Variants in SELENOF observed in about 807,000 individuals in gnomAD.
SELENOF encodes selenoprotein F.
SELENOF carries 16 observed loss-of-function variants against 20.5 expected under a neutral mutation model. The observed-to-expected ratio is 0.78, with a 90% CI of 0.53 to 1.19. The LOEUF is 1.19. SELENOF is among the 50% of genes most tolerant of loss of function. The pLI is 0.00. For synonymous variants in SELENOF, 78 were observed against 74.5 expected (o/e 1.05, Z -0.24); for missense variants, 215 against 194.2 (o/e 1.11, Z -0.64).
chr1:86,894,986 C>T (rs12120139), intron 2 of SELENOF, among the ~76,000 whole-genome samples: 5,579 of 152,216 alleles, frequency 0.037, 113 homozygotes, highest in Middle Eastern at 0.061. Flanking sequence ...GTGATCAAAA[C>T]GGCACACATT....
chr1:86,894,702 T>C (rs972423861), intron 2 of SELENOF, among the ~76,000 whole-genome samples: 1 of 152,240 alleles, frequency 6.6e-6, no homozygotes, highest in Admixed American at 6.5e-5. Flanking sequence ...CTGGGGGTGA[T>C]GACGCATGTC....
chr1:86,866,654 G>C (rs1250083206), intron 4 of SELENOF, among the ~76,000 whole-genome samples: 1 of 152,020 alleles, frequency 6.6e-6, no homozygotes, highest in Admixed American at 6.6e-5. Context: ...CAAAAGATCT[G>C]AACAGACATC....
chr1:86,884,342 T>TACATAC (rs1659156502), intron 2 of SELENOF, among the ~76,000 whole-genome samples: 1 of 128,590 alleles, frequency 7.8e-6, no homozygotes, highest in South Asian at 2.3e-4. Flanking sequence ...CGGGCGCACA[T>TACATAC]ACATACACAC....
chr1:86,912,970 A>C (rs1268516871), intron 1 of SELENOF, among the ~76,000 whole-genome samples: 1 of 152,192 alleles, frequency 6.6e-6, no homozygotes, highest in Non-Finnish European at 1.5e-5. Flanking sequence ...AAAAACCCTT[A>C]AACAGTAGAA....
At chr1:86,911,091 T>G (rs1659968058) in intron 1 of SELENOF, among the ~76,000 whole-genome samples, 1 of 152,166 alleles carries the variant, frequency 6.6e-6, no homozygotes, top group Non-Finnish European at 1.5e-5. Context: ...GGTAGGAGAA[T>G]GCCAAAGAAC....
intron 2 of SELENOF, among the ~76,000 whole-genome samples, chr1:86,902,088 G>C (rs1032171845): frequency 1.3e-5 from 2 of 152,108 alleles, no homozygotes; most frequent in African/African-American, 4.8e-5. Flanking sequence ...TCAGCAAAAA[G>C]AACAGAGGGG....
In SELENOF at chr1:86,910,721, A is replaced by T. The variant is rs958721438; in HGVS notation, c.84+3307T>A. Reference sequence around the variant, plus strand: ...CCATATCAAAAAAAAAAAAAAAAAAAGGTTTCAGTCTAACATGTACTTACC... The same window carrying T: ...CCATATCAAAAAAAAAAAAAAAAAATGGTTTCAGTCTAACATGTACTTACC... On this transcript the variant is annotated intron_variant, in intron 1 of 4. Transcript: ENST00000331835. Among the ~76,000 whole-genome samples, 387 of 144,048 alleles carry T rather than the reference A, an allele frequency of 2.7e-3. 1 individual carries two copies. The highest frequency in any genetic ancestry group is 4.3e-3 in the Non-Finnish European group (284 of 65,754). 94.5% of individuals were successfully genotyped at this position (144,048 alleles called of 152,430 possible). A position where few individuals can be genotyped will look rare whatever the true frequency, so the allele number is the denominator to read the frequency against.
intron 1 of SELENOF, among the ~76,000 whole-genome samples, chr1:86,907,209 C>A (rs1659852207): frequency 6.6e-6 from 1 of 152,188 alleles, no homozygotes; most frequent in African/African-American, 2.4e-5. Context: ...GCACAGAAAG[C>A]ATCTAGCATC....
intron 4 of SELENOF, among the ~76,000 whole-genome samples, chr1:86,863,830 CAT>C (rs1171771851): frequency 2.7e-5 from 4 of 149,062 alleles, no homozygotes; most frequent in Non-Finnish European, 4.5e-5. Context: ...TTCATTCATT[CAT>C]GAGAAAGGGT....
At chr1:86,872,555 A>G (rs1033121644) in intron 3 of SELENOF, among the ~76,000 whole-genome samples, 3 of 109,044 alleles carry the variant, frequency 2.8e-5, no homozygotes, top group Admixed American at 9.0e-5. Flanking sequence ...TTTTTTTTGT[A>G]TTTTTAGTAA....
chr1:86,884,388 C>CAT (rs965524859), intron 2 of SELENOF, among the ~76,000 whole-genome samples: 4 of 151,632 alleles, frequency 2.6e-5, no homozygotes, highest in Admixed American at 1.3e-4. Context: ...TATACACACA[C>CAT]ATATATATAC....
At chr1:86,905,396 C>T (rs1659802831) in intron 1 of SELENOF, among the ~76,000 whole-genome samples, 1 of 152,166 alleles carries the variant, frequency 6.6e-6, no homozygotes, top group Non-Finnish European at 1.5e-5. Context: ...TCTGTTTCCA[C>T]TTCTTCACCT....
At chr1:86,893,517 C>G (rs1040723518) in intron 2 of SELENOF, among the ~76,000 whole-genome samples, 1 of 150,538 alleles carries the variant, frequency 6.6e-6, no homozygotes, top group African/African-American at 2.5e-5. Flanking sequence ...ACTCAGGAGG[C>G]TGAGGCTGGG....
chr1:86,903,209 A>C (rs1659745706), intron 2 of SELENOF, 72 bp downstream of exon 2: 1 of 1,352,246 alleles, frequency 7.4e-7, no homozygotes. Flanking sequence ...ACTTAAATTG[A>C]TTAAGCAACT....
At chr1:86,886,240 G>A (rs1195208600) in intron 2 of SELENOF, among the ~76,000 whole-genome samples, 1 of 152,172 alleles carries the variant, frequency 6.6e-6, no homozygotes, top group Non-Finnish European at 1.5e-5. Context: ...CCATGCATCA[G>A]TATTTTTAAT....
intron 3 of SELENOF, among the ~76,000 whole-genome samples, chr1:86,874,557 T>A (rs938370406): frequency 7.9e-5 from 12 of 151,708 alleles, no homozygotes; most frequent in Admixed American, 3.9e-4. Context: ...GAGTATTTTT[T>A]AAAAAAGTAT....
At chr1:86,914,404 T>C (rs530389583), upstream of SELENOF, 4 of 468,302 alleles carry the variant, frequency 8.5e-6, no homozygotes, top group Non-Finnish European at 1.6e-5. Flanking sequence ...CTTCGCCAGT[T>C]TTAGCCCCGC....
chr1:86,903,488 T>G (rs1195540538), intron 1 of SELENOF, 40 bp from the exon 2 acceptor site: 1 of 1,512,556 alleles, frequency 6.6e-7, no homozygotes, highest in Admixed American at 2.2e-5. Context: ...AATTCCATAT[T>G]TATACTACAA....
chr1:86,872,273 T>C (rs989172968), intron 3 of SELENOF, among the ~76,000 whole-genome samples: 1 of 152,202 alleles, frequency 6.6e-6, no homozygotes. Flanking sequence ...CTATCATGCA[T>C]GAAATGGGAA....
Sources: gnomAD v4.1 joint callset for allele counts (sites outside exome capture counted in the v4.1 genomes callset) on GRCh38, gnomAD v4.1.1 for gene constraint, MANE v1.5 for transcripts, NCBI Gene and HGNC (gene_info 2026-07-23, HGNC 2026-07-21) for gene names.